The following TMEM74 variants were observed in gnomAD, a reference collection of about 807,000 sequenced individuals.
TMEM74 encodes the protein transmembrane protein 74.
A neutral mutation model predicts 18.1 loss-of-function variants in TMEM74; 13 were observed. That is an observed-to-expected ratio of 0.72 (90% confidence interval 0.47 to 1.14). The LOEUF (loss-of-function observed/expected upper bound fraction) is 1.14. TMEM74 is among the 50% of genes most tolerant of loss of function. The pLI is 0.00. For synonymous variants in TMEM74, 159 were observed against 146.6 expected (o/e 1.08, Z -0.61); for missense variants, 372 against 375.9 (o/e 0.99, Z 0.09).
intron 1 of TMEM74, among the ~76,000 whole-genome samples, chr8:108,726,255 G>A (rs1299621002): frequency 1.3e-5 from 2 of 152,120 alleles, no homozygotes; most frequent in South Asian, 2.1e-4. Context: ...AAAGCAGGAG[G>A]AAAGCATATA....
At chr8:108,775,376 C>G, downstream of TMEM74, among the ~76,000 whole-genome samples, 1 of 152,162 alleles carries the variant, frequency 6.6e-6, no homozygotes, top group Non-Finnish European at 1.5e-5. Flanking sequence ...ATTTTCTAGC[C>G]TGTTTCCTAC....
chr8:108,699,545 A>G (rs1430274127), intron 1 of TMEM74, among the ~76,000 whole-genome samples: 1 of 152,092 alleles, frequency 6.6e-6, no homozygotes, highest in Non-Finnish European at 1.5e-5. Flanking sequence ...TACCTCAGAT[A>G]TATTTGGGGA....
At chr8:108,671,068 G>A (rs2130589931) in intron 1 of TMEM74, among the ~76,000 whole-genome samples, 1 of 152,264 alleles carries the variant, frequency 6.6e-6, no homozygotes, top group South Asian at 2.1e-4. Flanking sequence ...TTTTGAATCA[G>A]GGAAGAACGC....
chr8:108,745,340 A>T (rs1403191454), intron 1 of TMEM74, among the ~76,000 whole-genome samples: 1 of 152,196 alleles, frequency 6.6e-6, no homozygotes, highest in African/African-American at 2.4e-5. Context: ...AAAAGCAGCC[A>T]TAGACAATAC....
chr8:108,616,934 G>C (rs911268335), intron 2 of TMEM74, among the ~76,000 whole-genome samples: 4 of 151,364 alleles, frequency 2.6e-5, no homozygotes, highest in African/African-American at 9.7e-5. Context: ...TTTATATATA[G>C]TGACTATATT....
chr8:108,731,511 T>C (rs1813695103), intron 1 of TMEM74, among the ~76,000 whole-genome samples: 1 of 152,150 alleles, frequency 6.6e-6, no homozygotes, highest in South Asian at 2.1e-4. Flanking sequence ...GGCACTGAGT[T>C]TTCAAATAAA....
intron 1 of TMEM74, among the ~76,000 whole-genome samples, chr8:108,692,439 C>A (rs1813240622): frequency 6.6e-6 from 1 of 152,160 alleles, no homozygotes; most frequent in South Asian, 2.1e-4. Flanking sequence ...TGTTCTCTTT[C>A]CAGTGTTAAC....
At chr8:108,787,038 ACT>A (rs1814394181) in intron 1 of TMEM74, among the ~76,000 whole-genome samples, 1 of 151,762 alleles carries the variant, frequency 6.6e-6, no homozygotes, top group South Asian at 2.1e-4. Context: ...CCAGCTAAAG[ACT>A]CTTTTCTTCC....
intron 1 of TMEM74, among the ~76,000 whole-genome samples, chr8:108,724,188 C>A (rs1813611751): frequency 6.6e-6 from 1 of 152,158 alleles, no homozygotes; most frequent in Admixed American, 6.5e-5. Context: ...CTCAATAATC[C>A]TTCCCAATCT....
chr8:108,646,083 T>A (rs1490452652), intron 2 of TMEM74, among the ~76,000 whole-genome samples: 1 of 145,762 alleles, frequency 6.9e-6, no homozygotes, highest in Admixed American at 7.0e-5. Flanking sequence ...TTCACGAAGT[T>A]TTTTTTTTTT....
chr8:108,750,432 T>C (rs1813892685), intron 1 of TMEM74, among the ~76,000 whole-genome samples: 1 of 152,098 alleles, frequency 6.6e-6, no homozygotes. Context: ...TCCAGGTAGT[T>C]AGGCATGAAT....
intron 2 of TMEM74, among the ~76,000 whole-genome samples, chr8:108,613,861 C>T (rs2935781): frequency 0.21 from 32,455 of 151,974 alleles, 3,486 homozygotes; most frequent in East Asian, 0.27. Flanking sequence ...ATTCAAATCC[C>T]TTGACTGAAA....
intron 1 of TMEM74, 66 bp downstream of exon 1, chr8:108,787,410 G>C (rs974521853): frequency 6.6e-6 from 1 of 152,348 alleles, no homozygotes. Context: ...CTCCAGCTCT[G>C]CTAGGCTCCA....
chr8:108,633,206 T>G (rs546970327), intron 2 of TMEM74, among the ~76,000 whole-genome samples: 37 of 152,152 alleles, frequency 2.4e-4, no homozygotes, highest in African/African-American at 8.7e-4. Context: ...ATACTTGTTC[T>G]TTCCCCAAGA....
At chr8:108,753,368 A>G (rs1008154981) in intron 1 of TMEM74, among the ~76,000 whole-genome samples, 1 of 151,964 alleles carries the variant, frequency 6.6e-6, no homozygotes, top group Non-Finnish European at 1.5e-5. Context: ...TTATGCCTGG[A>G]TGTCTAAGAA....
chr8:108,641,285 A>C (rs1812662800), intron 2 of TMEM74, among the ~76,000 whole-genome samples: 1 of 152,210 alleles, frequency 6.6e-6, no homozygotes. Context: ...TACTCATTAC[A>C]GACATCTTTT....
intron 1 of TMEM74, among the ~76,000 whole-genome samples, chr8:108,697,304 G>A (rs1239714360): frequency 6.6e-6 from 1 of 152,204 alleles, no homozygotes; most frequent in Non-Finnish European, 1.5e-5. Flanking sequence ...AACACAGGAT[G>A]AGAACTATGG....
At chr8:108,746,950 T>C (rs1026845958) in intron 1 of TMEM74, among the ~76,000 whole-genome samples, 4 of 152,126 alleles carry the variant, frequency 2.6e-5, no homozygotes, top group African/African-American at 9.7e-5. Flanking sequence ...GTTCCTGATT[T>C]ATATCTTTCT....
downstream of TMEM74, among the ~76,000 whole-genome samples, chr8:108,775,096 CA>C (rs1814213037): frequency 6.6e-6 from 1 of 152,138 alleles, no homozygotes; most frequent in Admixed American, 6.5e-5. Context: ...ACTAATGGAA[CA>C]AGGACATGAT....
Sources: allele counts gnomAD v4.1 joint callset (sites outside exome capture counted in the v4.1 genomes callset), GRCh38; gene constraint gnomAD v4.1.1; transcripts MANE v1.5; gene names NCBI Gene and HGNC (gene_info 2026-07-23, HGNC 2026-07-21).